The following CPED1 variants were observed in gnomAD, a reference collection of about 807,000 sequenced individuals.
The protein encoded by CPED1 is cadherin-like and PC-esterase domain-containing protein 1.
In CPED1, 114 loss-of-function variants were observed where a neutral mutation model predicts 128.2. The ratio of observed to expected loss-of-function variants is 0.89; its 90% confidence interval spans 0.76 to 1.04. CPED1 has a LOEUF of 1.04. Among genes scored for constraint, CPED1 ranks in the 50% least tolerant of loss-of-function variants. CPED1 has a pLI of 0.00. For missense variants in CPED1, 1,211 were observed against 1,207.1 expected (o/e 1.00, Z -0.05); for synonymous variants, 462 against 426.7 (o/e 1.08, Z -1.02).
intron 3 of CPED1, among the ~76,000 whole-genome samples, chr7:121,040,157 T>C (rs535497835): frequency 6.6e-6 from 1 of 152,204 alleles, no homozygotes; most frequent in Non-Finnish European, 1.5e-5. Context: ...TAAACACCCA[T>C]GACCAGCCAC....
At chr7:121,249,001 T>G (rs1798604820) in intron 18 of CPED1, among the ~76,000 whole-genome samples, 1 of 152,124 alleles carries the variant, frequency 6.6e-6, no homozygotes, top group African/African-American at 2.4e-5. Context: ...CTTCTAGACT[T>G]GAAAAAATTC....
At chr7:121,285,107 G>T (rs576222798) in intron 22 of CPED1, among the ~76,000 whole-genome samples, 3 of 152,136 alleles carry the variant, frequency 2.0e-5, no homozygotes, top group South Asian at 4.1e-4. Context: ...CTGTACACCC[G>T]CAGGTCCAAC....
chr7:121,133,968 A>G, intron 13 of CPED1, 75 bp downstream of exon 13: 2 of 758,304 alleles, frequency 2.6e-6, no homozygotes, highest in South Asian at 3.4e-5. Flanking sequence ...AAAACTATTT[A>G]GCTTCATTAG....
chr7:121,291,547 A>G (rs1792702419), intron 22 of CPED1, among the ~76,000 whole-genome samples: 1 of 152,100 alleles, frequency 6.6e-6, no homozygotes, highest in South Asian at 2.1e-4. Flanking sequence ...TAAGTATTTT[A>G]TTCTCTTTGT....
intron 22 of CPED1, among the ~76,000 whole-genome samples, chr7:121,294,056 C>T (rs1359944198): frequency 6.6e-6 from 1 of 152,084 alleles, no homozygotes. Context: ...TACTTCCCAA[C>T]CTTTCCCCCA....
intron 17 of CPED1, among the ~76,000 whole-genome samples, chr7:121,243,102 T>TTTAAG (rs1326428197): frequency 1.3e-5 from 2 of 152,146 alleles, no homozygotes; most frequent in African/African-American, 4.8e-5. Context: ...GGACAAAGTT[T>TTTAAG]TTAAGTTTTT....
At chr7:121,213,483 G>C (rs1797692070) in intron 16 of CPED1, among the ~76,000 whole-genome samples, 1 of 152,000 alleles carries the variant, frequency 6.6e-6, no homozygotes, top group African/African-American at 2.4e-5. Flanking sequence ...CTCTTTAAGA[G>C]TTAGGTGTAC....
chr7:121,102,097 A>G (rs1217734690), intron 7 of CPED1, among the ~76,000 whole-genome samples: 1 of 151,858 alleles, frequency 6.6e-6, no homozygotes, highest in African/African-American at 2.4e-5. Flanking sequence ...GTATATTTTT[A>G]TTTACTTCTG....
In CPED1 at chr7:121,295,707, A is replaced by G. The variant is rs1792809971; in HGVS notation, c.*55A>G. ...TGGAGACGAGCTAGTCACCCGGACA[A>G]TGGTCTAGGAGCCAAGCGCTGCACA... is the stretch of plus-strand genomic sequence containing the variant. On this transcript the variant is annotated 3_prime_UTR_variant, in exon 23 of 23. Transcript: ENST00000310396. The G allele has an allele frequency of 4.0e-6, 6 of 1,496,164 alleles. No homozygotes were observed. Among genetic ancestry groups the G allele is most frequent in the Non-Finnish European group, 5.6e-6 (6 of 1,076,384 alleles). 92.7% of individuals were successfully genotyped at this position (1,496,164 alleles called of 1,614,324 possible).
At chr7:121,029,071 A>G (rs1248049471) in intron 3 of CPED1, among the ~76,000 whole-genome samples, 1 of 152,126 alleles carries the variant, frequency 6.6e-6, no homozygotes, top group Non-Finnish European at 1.5e-5. Context: ...AATTTATTTA[A>G]TACTTCCTTA....
chr7:121,076,808 G>A (rs1381069823), intron 5 of CPED1, among the ~76,000 whole-genome samples: 9 of 152,008 alleles, frequency 5.9e-5, no homozygotes, highest in African/African-American at 1.2e-4. Context: ...TCTTCTCCAC[G>A]GATCTTGTAA....
chr7:121,164,918 C>G (rs779245199), intron 16 of CPED1, among the ~76,000 whole-genome samples: 1 of 152,178 alleles, frequency 6.6e-6, no homozygotes, highest in Non-Finnish European at 1.5e-5. Context: ...ATTGTTCACT[C>G]TGTATTCTTT....
At chr7:121,283,319 G>T (rs1421906215) in intron 22 of CPED1, among the ~76,000 whole-genome samples, 1 of 152,102 alleles carries the variant, frequency 6.6e-6, no homozygotes, top group Non-Finnish European at 1.5e-5. Context: ...TTCTATCTCA[G>T]TATTGAATTC....
intron 16 of CPED1, among the ~76,000 whole-genome samples, chr7:121,199,536 G>A (rs540470192): frequency 6.6e-6 from 1 of 151,566 alleles, no homozygotes; most frequent in East Asian, 1.9e-4. Flanking sequence ...AATTAGCTGG[G>A]GGTGGTGGTG....
chr7:121,250,975 G>A (rs1371227974), intron 18 of CPED1, among the ~76,000 whole-genome samples: 3 of 152,154 alleles, frequency 2.0e-5, no homozygotes, highest in Non-Finnish European at 4.4e-5. Context: ...TATGAGGCCA[G>A]CATCATCCTG....
intron 18 of CPED1, among the ~76,000 whole-genome samples, chr7:121,262,487 C>A (rs1470347927): frequency 6.6e-6 from 1 of 151,576 alleles, no homozygotes; most frequent in African/African-American, 2.4e-5. Flanking sequence ...CATGCAGAGT[C>A]ATGGGAGTAG....
chr7:121,078,804 A>G (rs1794206828), intron 5 of CPED1, among the ~76,000 whole-genome samples: 1 of 152,148 alleles, frequency 6.6e-6, no homozygotes, highest in Non-Finnish European at 1.5e-5. Flanking sequence ...GGCTGCTCCC[A>G]TGGGCACTGT....
chr7:121,118,291 G>A (rs937675179), intron 7 of CPED1, among the ~76,000 whole-genome samples: 3 of 152,086 alleles, frequency 2.0e-5, no homozygotes, highest in African/African-American at 4.8e-5. Context: ...GGCTGGGCGC[G>A]GTGGCTCAAA....
chr7:121,238,563 T>TTAAG (rs1476583118), intron 17 of CPED1, among the ~76,000 whole-genome samples: 1 of 152,072 alleles, frequency 6.6e-6, no homozygotes. Flanking sequence ...CCATATTATG[T>TTAAG]TAAGTATTTA....
Sources: allele counts gnomAD v4.1 joint callset (sites outside exome capture counted in the v4.1 genomes callset), GRCh38; gene constraint gnomAD v4.1.1; transcripts MANE v1.5; gene names NCBI Gene and HGNC (gene_info 2026-07-23, HGNC 2026-07-21).